CNTNAP2: variants seen among roughly 807,000 people sequenced by gnomAD.
The protein encoded by CNTNAP2 is contactin-associated protein-like 2.
Under a neutral mutation model 155.2 loss-of-function variants are expected in CNTNAP2, and 98 were observed. That is an observed-to-expected ratio of 0.63 (90% CI 0.54 to 0.75). The LOEUF (loss-of-function observed/expected upper bound fraction) is 0.75. Ranked by LOEUF, CNTNAP2 falls within the 30% of genes least tolerant of loss-of-function variation. CNTNAP2 has a pLI of 0.00. For missense variants in CNTNAP2, 1,727 were observed against 1,688.1 expected (o/e 1.02, Z -0.40); for synonymous variants, 651 against 631.2 (o/e 1.03, Z -0.47).
intron 13 of CNTNAP2, among the ~76,000 whole-genome samples, chr7:147,719,837 A>G: frequency 6.6e-6 from 1 of 151,480 alleles, no homozygotes. Flanking sequence ...TGAAGCATCC[A>G]CCTCTTTATA....
chr7:148,271,120 G>T (rs1796771267), intron 21 of CNTNAP2, among the ~76,000 whole-genome samples: 1 of 152,122 alleles, frequency 6.6e-6, no homozygotes, highest in African/African-American at 2.4e-5. Context: ...TACCATTTTT[G>T]ATGCTAGCTA....
At chr7:147,561,860 C>A (rs1288069911) in intron 11 of CNTNAP2, among the ~76,000 whole-genome samples, 1 of 151,946 alleles carries the variant, frequency 6.6e-6, no homozygotes, top group Non-Finnish European at 1.5e-5. Flanking sequence ...GATCATGAGC[C>A]CCAGTAAAAT....
chr7:146,259,979 C>G (rs765506382), intron 1 of CNTNAP2, among the ~76,000 whole-genome samples: 57 of 152,280 alleles, frequency 3.7e-4, no homozygotes, highest in Admixed American at 1.4e-3. Context: ...TTTCCTGGGC[C>G]AAGCCCAGGG....
At chr7:146,691,433 A>G (rs1239259858) in intron 1 of CNTNAP2, among the ~76,000 whole-genome samples, 1 of 152,130 alleles carries the variant, frequency 6.6e-6, no homozygotes, top group Non-Finnish European at 1.5e-5. Flanking sequence ...TCTACAGTTG[A>G]GCAAAATTAT....
chr7:148,086,339 A>G (rs540286362), intron 15 of CNTNAP2, among the ~76,000 whole-genome samples: 1 of 152,334 alleles, frequency 6.6e-6, no homozygotes, highest in African/African-American at 2.4e-5. Context: ...TTTCTCAAGT[A>G]TCTATAGGTT....
At chr7:148,298,945 C>G (rs1797331796) in intron 21 of CNTNAP2, among the ~76,000 whole-genome samples, 1 of 152,016 alleles carries the variant, frequency 6.6e-6, no homozygotes, top group Non-Finnish European at 1.5e-5. Context: ...AGTGATCCAC[C>G]CACTGTGGTC....
chr7:146,205,967 C>T (rs945347041), intron 1 of CNTNAP2, among the ~76,000 whole-genome samples: 4 of 151,832 alleles, frequency 2.6e-5, no homozygotes, highest in African/African-American at 9.7e-5. Flanking sequence ...GGCTCCTATG[C>T]AGAGCCTATT....
chr7:146,154,742 C>T (rs1798099339), intron 1 of CNTNAP2, among the ~76,000 whole-genome samples: 1 of 152,202 alleles, frequency 6.6e-6, no homozygotes, highest in African/African-American at 2.4e-5. Flanking sequence ...CTCATCAGCT[C>T]TCTGGGCACT....
At chr7:146,754,356 C>T (rs553983724) in intron 1 of CNTNAP2, among the ~76,000 whole-genome samples, 2 of 151,892 alleles carry the variant, frequency 1.3e-5, no homozygotes, top group East Asian at 3.9e-4. Context: ...ACATTTTCCC[C>T]TCCAAGGAGA....
At chr7:148,249,627 G>T (rs554937305) in intron 20 of CNTNAP2, among the ~76,000 whole-genome samples, 2 of 152,160 alleles carry the variant, frequency 1.3e-5, no homozygotes, top group South Asian at 4.2e-4. Context: ...CTCCAAATCT[G>T]ACCTCCTGAT....
intron 1 of CNTNAP2, among the ~76,000 whole-genome samples, chr7:146,180,460 C>T (rs1798534371): frequency 1.3e-5 from 2 of 151,800 alleles, no homozygotes; most frequent in Non-Finnish European, 2.9e-5. Flanking sequence ...AATAGATCTG[C>T]CTTATAAATA....
intron 1 of CNTNAP2, among the ~76,000 whole-genome samples, chr7:146,387,209 G>A (rs930465408): frequency 4.6e-5 from 7 of 152,148 alleles, no homozygotes; most frequent in Non-Finnish European, 8.8e-5. Flanking sequence ...GAGGTCTGGG[G>A]CTTTTGGGCT....
chr7:147,663,988 A>G (rs1795656931), intron 13 of CNTNAP2, among the ~76,000 whole-genome samples: 2 of 152,254 alleles, frequency 1.3e-5, no homozygotes, highest in South Asian at 4.1e-4. Context: ...AAATAAAAAC[A>G]AAGTTCAATT....
intron 1 of CNTNAP2, among the ~76,000 whole-genome samples, chr7:146,559,380 T>C (rs960451823): frequency 1.3e-5 from 2 of 152,086 alleles, no homozygotes; most frequent in Admixed American, 1.3e-4. Context: ...CTATCCTGGC[T>C]AACGTGGTGA....
chr7:146,574,101 G>A (rs1002966217), intron 1 of CNTNAP2, among the ~76,000 whole-genome samples: 2 of 152,118 alleles, frequency 1.3e-5, no homozygotes, highest in East Asian at 1.9e-4. Context: ...GACAGGATTC[G>A]AGTCTGGAGA....
chr7:146,721,875 G>GTGTGTATATA (rs1332551916), intron 1 of CNTNAP2, among the ~76,000 whole-genome samples: 2 of 76,702 alleles, frequency 2.6e-5, no homozygotes, highest in African/African-American at 1.8e-4. Flanking sequence ...GTGTGTGTGT[G>GTGTGTATATA]TATATATATA....
intron 12 of CNTNAP2, among the ~76,000 whole-genome samples, chr7:147,627,608 CT>C (rs1795005671): frequency 6.9e-6 from 1 of 145,088 alleles, no homozygotes; most frequent in African/African-American, 2.6e-5. Flanking sequence ...AGGAGAATGG[CT>C]TGAACCTGGG....
intron 21 of CNTNAP2, among the ~76,000 whole-genome samples, chr7:148,370,222 C>A (rs1798861224): frequency 6.6e-6 from 1 of 152,188 alleles, no homozygotes; most frequent in African/African-American, 2.4e-5. Context: ...GGCAGAAGGA[C>A]ATAAAGATGC....
chr7:148,156,588 T>C (rs1275728893), intron 17 of CNTNAP2, among the ~76,000 whole-genome samples: 1 of 152,170 alleles, frequency 6.6e-6, no homozygotes, highest in African/African-American at 2.4e-5. Context: ...CTGATAATAA[T>C]TTGTGCCAAT....
Sources: gnomAD v4.1 joint callset for allele counts (sites outside exome capture counted in the v4.1 genomes callset) on GRCh38, gnomAD v4.1.1 for gene constraint, MANE v1.5 for transcripts, NCBI Gene and HGNC (gene_info 2026-07-23, HGNC 2026-07-21) for gene names.